RARB: variants seen among roughly 807,000 people sequenced by gnomAD.
RARB encodes HBV-activated protein.
Under a neutral mutation model 51.9 loss-of-function variants are expected in RARB, and 17 were observed. The observed-to-expected ratio is 0.33, with a 90% confidence interval of 0.22 to 0.49. The LOEUF is 0.49. Among genes scored for constraint, RARB ranks in the 20% least tolerant of loss-of-function variants. The probability of loss-of-function intolerance (pLI) is 0.99; values close to 1 mark genes in which losing one functional copy is unlikely to be tolerated. For synonymous variants in RARB, 215 were observed against 195.4 expected (o/e 1.10, Z -0.84); for missense variants, 369 against 550.8 (o/e 0.67, Z 3.30).
chr3:25,343,024 T>TTGTG (rs6147737), intron 5 of RARB, among the ~76,000 whole-genome samples: 7,121 of 131,874 alleles, frequency 0.054, 319 homozygotes, highest in African/African-American at 0.11. Flanking sequence ...TGCAAGTACT[T>TTGTG]TGTGTGTGTG....
intron 5 of RARB, among the ~76,000 whole-genome samples, chr3:25,209,916 C>T (rs1226095371): frequency 6.6e-6 from 1 of 152,198 alleles, no homozygotes; most frequent in African/African-American, 2.4e-5. Context: ...CTACATTTAA[C>T]TTGGATTTCA....
chr3:25,053,646 C>T (rs946329330), intron 2 of RARB, among the ~76,000 whole-genome samples: 2 of 152,144 alleles, frequency 1.3e-5, no homozygotes, highest in African/African-American at 4.8e-5. Context: ...AAAGAACACT[C>T]AGGCCAATAA....
chr3:25,090,791 A>G (rs1321259579), intron 3 of RARB, among the ~76,000 whole-genome samples: 1 of 152,146 alleles, frequency 6.6e-6, no homozygotes, highest in Admixed American at 6.6e-5. Flanking sequence ...GCCAATATAC[A>G]CTTAGAATGA....
At chr3:25,066,931 T>C (rs1373048304) in intron 3 of RARB, among the ~76,000 whole-genome samples, 7 of 152,126 alleles carry the variant, frequency 4.6e-5, no homozygotes, top group Non-Finnish European at 1.0e-4. Flanking sequence ...CCTCCCCTTA[T>C]GTGGAGTGGT....
At chr3:25,112,378 A>G (rs1456601593) in intron 3 of RARB, among the ~76,000 whole-genome samples, 1 of 152,196 alleles carries the variant, frequency 6.6e-6, no homozygotes, top group Non-Finnish European at 1.5e-5. Flanking sequence ...TCAATCTTAT[A>G]TCTTCATTTA....
intron 4 of RARB, among the ~76,000 whole-genome samples, chr3:25,141,342 G>C (rs950609696): frequency 6.6e-6 from 1 of 151,458 alleles, no homozygotes; most frequent in African/African-American, 2.4e-5. Flanking sequence ...AATTAACTTC[G>C]GGTTCCTTTG....
At chr3:25,380,828 G>GCATCT (rs1190045932) in intron 5 of RARB, among the ~76,000 whole-genome samples, 17 of 152,044 alleles carry the variant, frequency 1.1e-4, no homozygotes, top group Admixed American at 3.9e-4. Flanking sequence ...ATCGTGACTG[G>GCATCT]TTTTGTGCTT....
chr3:25,385,605 T>A (rs1409988934), intron 5 of RARB, among the ~76,000 whole-genome samples: 1 of 152,104 alleles, frequency 6.6e-6, no homozygotes, highest in East Asian at 1.9e-4. Flanking sequence ...AGCAAAGCCA[T>A]CAAGTCTGTA....
intron 5 of RARB, among the ~76,000 whole-genome samples, chr3:25,250,596 A>G (rs1702691961): frequency 1.3e-5 from 2 of 152,260 alleles, no homozygotes; most frequent in Non-Finnish European, 1.5e-5. Context: ...GCCTGGTGGC[A>G]GCAGCCAGAA....
intron 2 of RARB, among the ~76,000 whole-genome samples, chr3:24,891,714 A>C (rs1196722683): frequency 1.3e-5 from 2 of 152,286 alleles, no homozygotes; most frequent in East Asian, 3.9e-4. Context: ...AACAAGACCA[A>C]CTATTTTATG....
chr3:25,592,134 T>A (rs1368044556), intron 5 of RARB, among the ~76,000 whole-genome samples: 5 of 152,200 alleles, frequency 3.3e-5, no homozygotes, highest in Non-Finnish European at 5.9e-5. Context: ...GAGAGGGCTT[T>A]ACTACTCCTC....
intron 3 of RARB, among the ~76,000 whole-genome samples, chr3:25,508,704 A>G (rs1166835364): frequency 6.6e-6 from 1 of 152,062 alleles, no homozygotes; most frequent in African/African-American, 2.4e-5. Context: ...ACCAGAAACT[A>G]CCATTAACCC....
chr3:25,300,156 G>A (rs909609829), intron 5 of RARB, among the ~76,000 whole-genome samples: 1 of 152,118 alleles, frequency 6.6e-6, no homozygotes, highest in Non-Finnish European at 1.5e-5. Flanking sequence ...TTCTGTTATC[G>A]CTGCTGCCAT....
chr3:25,545,538 G>A (rs1445644306), intron 3 of RARB, among the ~76,000 whole-genome samples: 6 of 152,138 alleles, frequency 3.9e-5, no homozygotes, highest in Non-Finnish European at 7.4e-5. Flanking sequence ...ACGTTCACCC[G>A]CTCTCCACTC....
At position 25,221,228 on chromosome 3, in the gene RARB, G is replaced by A. The variant is rs1701941806; in HGVS notation, c.178+46653G>A. Among the ~76,000 whole-genome samples, 4 of 149,422 alleles carry A rather than the reference G, an allele frequency of 2.7e-5. No homozygotes were observed. In the South Asian group the frequency reaches 6.2e-4, roughly 23 times the overall value. On this transcript the variant is annotated intron_variant, in intron 5 of 11. Transcript: ENST00000383772. Reference sequence around the variant, plus strand: ...CAACACTGAACATAAAATTCCCTAAGCATCATAGCAGTCAAGGGAAAAAGG... The same window carrying A: ...CAACACTGAACATAAAATTCCCTAAACATCATAGCAGTCAAGGGAAAAAGG...
chr3:25,531,841 A>C (rs1698939422), intron 3 of RARB, among the ~76,000 whole-genome samples: 2 of 152,092 alleles, frequency 1.3e-5, no homozygotes, highest in Non-Finnish European at 2.9e-5. Context: ...AGCTCGATTT[A>C]ATTTCCCTCA....
At chr3:25,472,171 C>CT (rs1284810427) in intron 2 of RARB, among the ~76,000 whole-genome samples, 3 of 152,190 alleles carry the variant, frequency 2.0e-5, no homozygotes, top group South Asian at 2.1e-4. Context: ...TGCTACAGGA[C>CT]TTTTTTCTCA....
At chr3:24,925,930 A>T (rs982242913) in intron 2 of RARB, among the ~76,000 whole-genome samples, 1 of 152,078 alleles carries the variant, frequency 6.6e-6, no homozygotes, top group Non-Finnish European at 1.5e-5. Context: ...TTGGTTTTAC[A>T]GTGACTTATC....
chr3:25,150,940 G>A (rs912480875), intron 4 of RARB, among the ~76,000 whole-genome samples: 1 of 152,132 alleles, frequency 6.6e-6, no homozygotes, highest in Non-Finnish European at 1.5e-5. Flanking sequence ...TGCTCATAAG[G>A]CAGTTTATGT....
Sources: allele counts gnomAD v4.1 joint callset (sites outside exome capture counted in the v4.1 genomes callset), GRCh38; gene constraint gnomAD v4.1.1; transcripts MANE v1.5; gene names NCBI Gene and HGNC (gene_info 2026-07-23, HGNC 2026-07-21).